KIF11: variants seen among roughly 807,000 people sequenced by gnomAD.
KIF11 encodes kinesin family member 11.
In KIF11, 9 loss-of-function variants were observed where a neutral mutation model predicts 121.0. The ratio of observed to expected loss-of-function variants is 0.07; its 90% CI spans 0.04 to 0.13. The LOEUF is 0.13. Ranked by LOEUF, KIF11 falls within the 10% of genes least tolerant of loss-of-function variation. The pLI is 1.00. For missense variants in KIF11, 846 were observed against 1,217.5 expected (o/e 0.69, Z 4.54); for synonymous variants, 408 against 421.0 (o/e 0.97, Z 0.38).
chr10:92,633,911 C>A, intron 14 of KIF11, 116 bp downstream of exon 14: 3 of 652,498 alleles, frequency 4.6e-6, no homozygotes, highest in Non-Finnish European at 5.2e-6. Context: ...GCTATTCTTT[C>A]TTCCTGAGCT....
chr10:92,604,311 G>A (rs975757538), intron 1 of KIF11, among the ~76,000 whole-genome samples: 21 of 152,080 alleles, frequency 1.4e-4, no homozygotes, highest in African/African-American at 4.8e-4. Flanking sequence ...AATGTGAATG[G>A]TATTCATTTG....
intron 8 of KIF11, among the ~76,000 whole-genome samples, chr10:92,616,434 A>G (rs938101381): frequency 6.6e-6 from 1 of 151,968 alleles, no homozygotes; most frequent in Non-Finnish European, 1.5e-5. Flanking sequence ...TCCTGGGCTC[A>G]AGTGACCCTC....
At chr10:92,643,718 G>A (rs557934876) in intron 17 of KIF11, among the ~76,000 whole-genome samples, 6 of 151,478 alleles carry the variant, frequency 4.0e-5, no homozygotes, top group Non-Finnish European at 8.8e-5. Flanking sequence ...CACCATGCCC[G>A]GCTAATTTTT....
intron 5 of KIF11, 80 bp downstream of exon 5, chr10:92,609,285 AGAGAGAG>A (rs1844465158): frequency 4.6e-6 from 6 of 1,312,140 alleles, no homozygotes; most frequent in Non-Finnish European, 6.2e-6. Flanking sequence ...AGAGAGAGAG[AGAGAGAG>A]AGAGAGAGAG....
At position 92,606,336 on chromosome 10, in the gene KIF11, T is replaced by C; in HGVS notation, c.149T>C (p.Val50Ala). The change falls in exon 2 of 22, where the codon GTT becomes GCT. Residue 50 changes from valine (V) to alanine (A), a missense_variant. Around this residue, in one of 5 missense-constraint regions of KIF11, gnomAD observed 140 missense variants for 193.5 expected, o/e 0.72. Coordinates refer to ENST00000260731, the MANE Select transcript of KIF11 (RefSeq NM_004523.4). ...IVECDPVRKE[V>A]SVRTGGLADK... is the part of the protein sequence containing the mutation. ...GAATGTGATCCTGTACGAAAAGAAG[T>C]TAGTGTACGAACTGGAGGATTGGCT... The C allele has an allele frequency of 6.2e-7, 1 of 1,612,738 alleles. No homozygotes were observed. The highest frequency in any genetic ancestry group is 8.5e-7 in the Non-Finnish European group (1 of 1,179,562).
chr10:92,597,687 C>T (rs932614521), intron 1 of KIF11, among the ~76,000 whole-genome samples: 12 of 151,622 alleles, frequency 7.9e-5, no homozygotes, highest in African/African-American at 2.9e-4. Context: ...ATTTTGCTCT[C>T]GTTGCCTAGG....
At chr10:92,609,996 C>A (rs1349607944) in intron 6 of KIF11, among the ~76,000 whole-genome samples, 1 of 152,152 alleles carries the variant, frequency 6.6e-6, no homozygotes, top group African/African-American at 2.4e-5. Context: ...CTTGGCCTCC[C>A]AAAGTGCTGA....
At chr10:92,594,244 A>G (rs1261241117) in intron 1 of KIF11, among the ~76,000 whole-genome samples, 1 of 152,232 alleles carries the variant, frequency 6.6e-6, no homozygotes, top group Non-Finnish European at 1.5e-5. Flanking sequence ...TGTAAACCCC[A>G]AAGTATTCTA....
chr10:92,649,173 G>C (rs899889606), intron 19 of KIF11, among the ~76,000 whole-genome samples: 13 of 151,594 alleles, frequency 8.6e-5, no homozygotes, highest in Non-Finnish European at 1.8e-4. Context: ...GTGCTACATA[G>C]AATGTTGGTT....
At chr10:92,636,670 TTATTA>T (rs1319426568) in intron 14 of KIF11, among the ~76,000 whole-genome samples, 1 of 151,770 alleles carries the variant, frequency 6.6e-6, no homozygotes, top group Non-Finnish European at 1.5e-5. Flanking sequence ...AAAAGAGAAA[TTATTA>T]TATTTATTGT....
intron 18 of KIF11, among the ~76,000 whole-genome samples, chr10:92,647,081 C>CA (rs1844927978): frequency 6.6e-6 from 1 of 152,156 alleles, no homozygotes; most frequent in African/African-American, 2.4e-5. Flanking sequence ...AGAGACACAG[C>CA]AAAGCATTTT....
At chr10:92,652,429 C>A (rs11187118) in intron 21 of KIF11, among the ~76,000 whole-genome samples, 1 of 152,018 alleles carries the variant, frequency 6.6e-6, no homozygotes, top group African/African-American at 2.4e-5. Flanking sequence ...CGTGAGCCAC[C>A]GCGCTCGGCC....
At chr10:92,611,822 C>A (rs113949818) in intron 6 of KIF11, among the ~76,000 whole-genome samples, 13,145 of 152,120 alleles carry the variant, frequency 0.086, 655 homozygotes, top group Middle Eastern at 0.11. Flanking sequence ...CTGCTTGAAC[C>A]CAGGAGGCAG....
intron 18 of KIF11, 105 bp from the exon 19 acceptor site, chr10:92,648,107 C>CAAAA (rs1844940166): frequency 4.3e-6 from 3 of 693,532 alleles, no homozygotes; most frequent in South Asian, 2.1e-5. Flanking sequence ...AGACTTGTCT[C>CAAAA]CAAAAAAAAA....
chr10:92,628,547 A>G (rs917464380), intron 10 of KIF11, among the ~76,000 whole-genome samples: 4 of 152,132 alleles, frequency 2.6e-5, no homozygotes, highest in African/African-American at 9.7e-5. Flanking sequence ...TTTTCCCCTC[A>G]TAGGTAGGGA....
At chr10:92,642,554 AAATCTCTAATTG>A (rs1844876715) in intron 17 of KIF11, among the ~76,000 whole-genome samples, 3 of 152,310 alleles carry the variant, frequency 2.0e-5, no homozygotes, top group Admixed American at 2.0e-4. Context: ...AGGAGTATTG[AAATCTCTAATTG>A]TAGATTTATC....
chr10:92,649,902 T>C lies in KIF11; in HGVS notation c.2838T>C (p.His946=). The change falls in exon 20 of 22, where the codon CAT becomes CAC. Residue 946 remains histidine (H), a synonymous_variant. Coordinates refer to ENST00000260731, the MANE Select transcript of KIF11 (RefSeq NM_004523.4). The part of the protein sequence containing the change: ...STLVRTEPRE[H]LLDQLKRKQP... ...TGGTAAGAACTGAACCACGTGAACA[T>C]CTCCTTGATCAGCTGAAAAGGAAAC... The C allele has an allele frequency of 1.9e-6, 3 of 1,613,320 alleles. No homozygotes were observed. Among genetic ancestry groups the C allele is most frequent in the Non-Finnish European group, 2.5e-6 (3 of 1,179,342 alleles).
chr10:92,628,553 A>G (rs1463220281), intron 10 of KIF11, among the ~76,000 whole-genome samples: 1 of 152,190 alleles, frequency 6.6e-6, no homozygotes. Flanking sequence ...CCTCATAGGT[A>G]GGGATTCTTA....
chr10:92,605,004 G>A (rs1269874114), intron 1 of KIF11, among the ~76,000 whole-genome samples: 3 of 151,674 alleles, frequency 2.0e-5, no homozygotes, highest in African/African-American at 7.3e-5. Flanking sequence ...GAGGTTTAGT[G>A]GGTAACACAT....
Sources: gnomAD v4.1 joint callset for allele counts (sites outside exome capture counted in the v4.1 genomes callset) on GRCh38, gnomAD v4.1.1 for gene constraint, gnomAD v4.1.1 regional missense constraint, MANE v1.5 for transcripts, NCBI Gene and HGNC (gene_info 2026-07-23, HGNC 2026-07-21) for gene names.